The following FBXO42 variants were observed in gnomAD, a reference collection of about 807,000 sequenced individuals.
The protein encoded by FBXO42 is F-box protein 42, also known as F-box only protein 42.
FBXO42 carries 12 observed loss-of-function variants against 71.7 expected under a neutral mutation model. The observed-to-expected ratio is 0.17, with a 90% CI of 0.11 to 0.27. The LOEUF is 0.27. Ranked by LOEUF, FBXO42 falls within the 10% of genes least tolerant of loss-of-function variation. FBXO42 has a pLI of 1.00. For missense variants in FBXO42, 707 were observed against 911.9 expected (o/e 0.78, Z 2.89); for synonymous variants, 325 against 327.5 (o/e 0.99, Z 0.08).
intron 1 of FBXO42, among the ~76,000 whole-genome samples, chr1:16,340,909 T>C (rs2082598239): frequency 6.6e-6 from 1 of 152,182 alleles, no homozygotes; most frequent in South Asian, 2.1e-4. Flanking sequence ...ACTGTATCTT[T>C]TGTCTTTCAG....
Position 16,308,814 on chromosome 1 carries a change from G to A in FBXO42, c.251-2895C>T, listed in dbSNP as rs114752185. 6.3e-3 allele frequency among the ~76,000 whole-genome samples: 849 copies of A among 133,862 alleles called. 7 individuals carry two copies. The highest frequency in any genetic ancestry group is 0.023 in the African/African-American group (813 of 34,908). The allele number at this position is 133,862 out of a possible 152,430, so 87.8% of individuals were successfully genotyped here. On this transcript the variant is annotated intron_variant, in intron 2 of 9. Coordinates refer to ENST00000375592, the MANE Select transcript of FBXO42 (RefSeq NM_018994.3). ...GGCTGGAGTGCGTGGTGCAATGTCAGCTGACTGCAACCTCCACCTCCCAGG... is the reference window on the plus strand; with the variant it reads ...GGCTGGAGTGCGTGGTGCAATGTCAACTGACTGCAACCTCCACCTCCCAGG...
At chr1:16,260,353 C>T (rs1039511537) in intron 4 of FBXO42, among the ~76,000 whole-genome samples, 5 of 151,810 alleles carry the variant, frequency 3.3e-5, no homozygotes, top group East Asian at 1.9e-4. Context: ...GGATTACAGG[C>T]GTATACTGCC....
chr1:16,247,792 G>A lies in FBXO42; in HGVS notation c.*2878C>T, dbSNP rs1215016491. 6.6e-6 allele frequency: 1 copy of A among 152,166 alleles called. No individual in the cohort carries two copies. Among genetic ancestry groups the A allele is most frequent in the African/African-American group, 2.4e-5 (1 of 41,434 alleles). The allele number at this position is 152,166 out of a possible 1,614,324, so 9.4% of individuals were successfully genotyped here. On this transcript the variant is annotated 3_prime_UTR_variant, in exon 10 of 10. Transcript: ENST00000375592. ...ACCAACCAAATGAAGGGTGGAAATAGGAATGAAAACACAAAACCCGCTCTG... is the reference window on the plus strand; with the variant it reads ...ACCAACCAAATGAAGGGTGGAAATAAGAATGAAAACACAAAACCCGCTCTG...
intron 4 of FBXO42, among the ~76,000 whole-genome samples, chr1:16,260,026 G>C (rs1485955957): frequency 6.6e-6 from 1 of 152,040 alleles, no homozygotes; most frequent in Non-Finnish European, 1.5e-5. Flanking sequence ...CGGTATTTTA[G>C]AAAAAGGTTT....
intron 4 of FBXO42, among the ~76,000 whole-genome samples, chr1:16,283,543 G>C (rs562401577): frequency 1.6e-5 from 2 of 123,786 alleles, no homozygotes; most frequent in African/African-American, 6.2e-5. Flanking sequence ...TGTCGCCCAG[G>C]CTGGAGTGCA....
At chr1:16,275,422 A>G (rs1217730840) in intron 4 of FBXO42, among the ~76,000 whole-genome samples, 1 of 152,172 alleles carries the variant, frequency 6.6e-6, no homozygotes, top group Non-Finnish European at 1.5e-5. Context: ...GTGCAAGACC[A>G]GTCTGGGCAT....
At chr1:16,308,751 T>TG (rs2082281553) in intron 2 of FBXO42, among the ~76,000 whole-genome samples, 3 of 143,852 alleles carry the variant, frequency 2.1e-5, no homozygotes, top group African/African-American at 5.2e-5. Flanking sequence ...TTTTTTTTTT[T>TG]TTTTTTTTTT....
At chr1:16,338,411 ACAGACTTT>A (rs1295795538) in intron 1 of FBXO42, among the ~76,000 whole-genome samples, 1 of 150,994 alleles carries the variant, frequency 6.6e-6, no homozygotes, top group Non-Finnish European at 1.5e-5. Flanking sequence ...TGTCTTGGAT[ACAGACTTT>A]CACTTTCCTC....
intron 4 of FBXO42, 131 bp from the exon 5 acceptor site, chr1:16,256,890 G>A: frequency 2.4e-6 from 2 of 847,784 alleles, no homozygotes; most frequent in Non-Finnish European, 1.7e-6. Flanking sequence ...GTAGAGGAAA[G>A]GTGGAAAGAA....
chr1:16,283,686 G>A (rs766826969), intron 4 of FBXO42, among the ~76,000 whole-genome samples: 7 of 151,630 alleles, frequency 4.6e-5, no homozygotes, highest in Middle Eastern at 3.2e-3. Context: ...TAGTAGACAC[G>A]GGATTTCACT....
At chr1:16,341,609 TAAAAAAAAAAAAAA>T (rs34904915) in intron 1 of FBXO42, among the ~76,000 whole-genome samples, 5 of 113,282 alleles carry the variant, frequency 4.4e-5, no homozygotes, top group Non-Finnish European at 8.5e-5. Flanking sequence ...CTGCGTCTTT[TAAAAAAAAAAAAAA>T]AAAAAAAAAA....
chr1:16,294,961 C>A, intron 3 of FBXO42, 44 bp from the exon 4 acceptor site: 1 of 1,543,832 alleles, frequency 6.5e-7, no homozygotes. Context: ...AATTCTGAGG[C>A]CCTTCCAACA....
intron 1 of FBXO42, among the ~76,000 whole-genome samples, chr1:16,328,438 TAAGTA>T (rs1317197432): frequency 6.6e-6 from 1 of 152,232 alleles, no homozygotes; most frequent in African/African-American, 2.4e-5. Flanking sequence ...ATTGAACGAT[TAAGTA>T]AATAGTTGGC....
chr1:16,315,472 G>A, intron 1 of FBXO42, 37 bp from the exon 2 acceptor site: 1 of 1,579,496 alleles, frequency 6.3e-7, no homozygotes, highest in Non-Finnish European at 8.6e-7. Context: ...GTATTCCACT[G>A]AAAGCAGCTC....
intron 4 of FBXO42, among the ~76,000 whole-genome samples, chr1:16,266,688 T>A (rs572360168): frequency 6.6e-6 from 1 of 152,260 alleles, no homozygotes; most frequent in South Asian, 2.1e-4. Flanking sequence ...ATTTTGCTGA[T>A]AAAACCAAAG....
intron 2 of FBXO42, among the ~76,000 whole-genome samples, chr1:16,309,034 T>A (rs2082284664): frequency 7.4e-6 from 1 of 135,454 alleles, no homozygotes; most frequent in African/African-American, 2.8e-5. Flanking sequence ...TGAGCCACCA[T>A]GCCAGGCCGG....
intron 4 of FBXO42, among the ~76,000 whole-genome samples, chr1:16,259,993 T>C (rs150841569): frequency 5.3e-5 from 8 of 152,264 alleles, no homozygotes; most frequent in East Asian, 3.9e-4. Context: ...ATTTCTATCA[T>C]TGCAGAAAGT....
chr1:16,271,519 G>A (rs2081845426), intron 4 of FBXO42, among the ~76,000 whole-genome samples: 1 of 151,812 alleles, frequency 6.6e-6, no homozygotes, highest in Non-Finnish European at 1.5e-5. Flanking sequence ...GAACTCAGAT[G>A]ATCTGCCCAC....
At chr1:16,308,536 G>A (rs1200790072) in intron 2 of FBXO42, among the ~76,000 whole-genome samples, 1 of 130,782 alleles carries the variant, frequency 7.6e-6, no homozygotes, top group Non-Finnish European at 1.6e-5. Context: ...GTCTCACTCT[G>A]TCACCTAGGA....
Sources: allele counts gnomAD v4.1 joint callset (sites outside exome capture counted in the v4.1 genomes callset), GRCh38; gene constraint gnomAD v4.1.1; transcripts MANE v1.5; gene names NCBI Gene and HGNC (gene_info 2026-07-23, HGNC 2026-07-21).